The following MAP3K3 variants were observed in gnomAD, a reference collection of about 807,000 sequenced individuals.
MAP3K3 encodes mitogen-activated protein kinase kinase kinase 3, also known as MAP/ERK kinase kinase 3.
In MAP3K3, 12 loss-of-function variants were observed where a neutral mutation model predicts 80.9. The observed-to-expected ratio is 0.15, with a 90% CI of 0.10 to 0.24. MAP3K3 has a LOEUF of 0.24. MAP3K3 is among the 10% of genes least tolerant of loss of function. The pLI is 1.00. For missense variants in MAP3K3, 596 were observed against 834.7 expected, an observed-to-expected ratio of 0.71 and a Z score of 3.52; for synonymous variants, 272 against 307.1, an observed-to-expected ratio of 0.89 and a Z score of 1.19.
chr17:63,690,477 C>CA (rs2035562555), intron 12 of MAP3K3, 65 bp downstream of exon 12: 1 of 1,552,630 alleles, frequency 6.4e-7, no homozygotes, highest in Non-Finnish European at 8.8e-7. Flanking sequence ...TCTTACCACA[C>CA]AGAGTAGTTG....
At chr17:63,652,010 T>C (rs1356195931) in intron 3 of MAP3K3, among the ~76,000 whole-genome samples, 2 of 152,250 alleles carry the variant, frequency 1.3e-5, no homozygotes, top group Non-Finnish European at 2.9e-5. Flanking sequence ...TTCTACCTTA[T>C]TTCCTAAATA....
intron 6 of MAP3K3, among the ~76,000 whole-genome samples, chr17:63,674,144 G>C (rs1050332266): frequency 6.6e-6 from 1 of 151,546 alleles, no homozygotes; most frequent in African/African-American, 2.4e-5. Context: ...AGTTCATCTT[G>C]TTAAGTGCCT....
intron 11 of MAP3K3, 120 bp from the exon 12 acceptor site, chr17:63,690,144 T>TA: frequency 8.6e-7 from 1 of 1,166,084 alleles, no homozygotes; most frequent in Non-Finnish European, 1.2e-6. Context: ...GATGCTCTAC[T>TA]AAGAGATGAT....
At position 63,691,156 on chromosome 17, in the gene MAP3K3, C is replaced by T. The variant is rs746868574; in HGVS notation, c.1267C>T (p.Arg423Cys). The T allele has an allele frequency of 6.2e-6, 10 of 1,614,070 alleles. No homozygotes were observed. The highest frequency in any genetic ancestry group is 3.3e-5 in the South Asian group (3 of 91,088). The change falls in exon 13 of 16, where the codon CGC becomes TGC. Residue 423 changes from arginine (R) to cysteine (C), a missense_variant. This residue lies in a region of MAP3K3 where 364 missense variants were observed against 588.9 expected (regional missense o/e 0.62). Transcript: ENST00000361733. The surrounding 1 kb of genome is among the most constrained non-coding windows in gnomAD (Gnocchi z 4.8). Reference sequence around the variant, plus strand: ...GTTGCTAAAGAACTTGCAGCATGAGCGCATCGTGCAGTACTATGGCTGTCT... The same window carrying T: ...GTTGCTAAAGAACTTGCAGCATGAGTGCATCGTGCAGTACTATGGCTGTCT... ...IQLLKNLQHE[R>C]IVQYYGCLRD...
At chr17:63,686,333 A>G (rs1038104115) in intron 8 of MAP3K3, among the ~76,000 whole-genome samples, 2 of 152,200 alleles carry the variant, frequency 1.3e-5, no homozygotes, top group African/African-American at 4.8e-5. Context: ...TGTCTTGCCT[A>G]ATAGACCTGA....
intron 2 of MAP3K3, among the ~76,000 whole-genome samples, chr17:63,635,649 A>G (rs905256145): frequency 1.3e-5 from 2 of 152,232 alleles, no homozygotes; most frequent in African/African-American, 4.8e-5. Flanking sequence ...GCCTAGTATA[A>G]TGAAAGGAGC....
At chr17:63,646,375 A>G (rs1648859110) in intron 3 of MAP3K3, among the ~76,000 whole-genome samples, 1 of 152,236 alleles carries the variant, frequency 6.6e-6, no homozygotes, top group African/African-American at 2.4e-5. Context: ...ACTCAGAGTC[A>G]TGGCTTTCAG....
At chr17:63,634,132 T>C (rs546616337) in intron 2 of MAP3K3, among the ~76,000 whole-genome samples, 3 of 152,328 alleles carry the variant, frequency 2.0e-5, no homozygotes, top group African/African-American at 7.2e-5. Flanking sequence ...TATTTTCATA[T>C]GTTATTCAGT....
chr17:63,655,036 T>TA (rs111345447), intron 4 of MAP3K3, among the ~76,000 whole-genome samples: 21 of 151,718 alleles, frequency 1.4e-4, no homozygotes, highest in African/African-American at 3.1e-4. Context: ...AAAAAACGAT[T>TA]AAAAAAAATT....
At chr17:63,650,696 G>GAGTT (rs752583799) in intron 3 of MAP3K3, among the ~76,000 whole-genome samples, 1 of 112,480 alleles carries the variant, frequency 8.9e-6, no homozygotes, top group African/African-American at 3.7e-5. Context: ...GAGAGAGAGA[G>GAGTT]TTTTTTTTTT....
intron 5 of MAP3K3, 99 bp from the exon 6 acceptor site, chr17:63,666,841 G>A (rs2035008369): frequency 2.2e-6 from 3 of 1,352,476 alleles, no homozygotes; most frequent in Non-Finnish European, 3.1e-6. Context: ...GCATGAAGGT[G>A]GCTGAGCCTG....
intron 7 of MAP3K3, among the ~76,000 whole-genome samples, chr17:63,684,584 A>C (rs1234414049): frequency 2.6e-5 from 4 of 152,216 alleles, no homozygotes; most frequent in Non-Finnish European, 5.9e-5. Flanking sequence ...GTTGGAAACT[A>C]ATTTTATGGA....
At chr17:63,637,287 A>G (rs1378507188) in intron 2 of MAP3K3, among the ~76,000 whole-genome samples, 1 of 152,188 alleles carries the variant, frequency 6.6e-6, no homozygotes, top group African/African-American at 2.4e-5. Flanking sequence ...AGTGCTTTCA[A>G]CAACAGTTAA....
chr17:63,648,463 G>C (rs1255886072), intron 3 of MAP3K3, among the ~76,000 whole-genome samples: 2 of 152,146 alleles, frequency 1.3e-5, no homozygotes, highest in African/African-American at 4.8e-5. Flanking sequence ...TCTATCTAGA[G>C]AATCCATCTA....
chr17:63,639,365 A>G (rs1020999588), intron 2 of MAP3K3, among the ~76,000 whole-genome samples: 5 of 152,188 alleles, frequency 3.3e-5, no homozygotes, highest in Non-Finnish European at 4.4e-5. Flanking sequence ...AAACAAGGTG[A>G]GCTTTGATCT....
At chr17:63,650,990 C>G (rs2034644358) in intron 3 of MAP3K3, among the ~76,000 whole-genome samples, 1 of 151,796 alleles carries the variant, frequency 6.6e-6, no homozygotes, top group African/African-American at 2.4e-5. Flanking sequence ...TTTTTTAATT[C>G]TGTATTTTCT....
chr17:63,667,585 G>T (rs1332261457), intron 6 of MAP3K3, among the ~76,000 whole-genome samples: 1 of 152,120 alleles, frequency 6.6e-6, no homozygotes, highest in Non-Finnish European at 1.5e-5. Flanking sequence ...GTAGGGGATT[G>T]GTTCCAGGAC....
intron 5 of MAP3K3, among the ~76,000 whole-genome samples, chr17:63,662,722 A>G (rs2034919456): frequency 7.0e-6 from 1 of 141,898 alleles, no homozygotes; most frequent in Non-Finnish European, 1.5e-5. Flanking sequence ...CAGTGGCGCA[A>G]TCTCAGCTCA....
chr17:63,671,458 G>A lies in MAP3K3; in HGVS notation c.502+4398G>A, dbSNP rs139957295. Among the ~76,000 whole-genome samples the A allele has an allele frequency of 3.0e-4, 46 of 152,124 alleles. 1 individual carries two copies. The East Asian group carries it at 8.3e-3, about 28-fold the overall frequency. On this transcript the variant is annotated intron_variant, in intron 6 of 15. Transcript: ENST00000361733. ...TTTAGTAGAGACGGGGTTTCACCACGTTGGCCAGGATGGTCTCGATCTCTT... is the reference window on the plus strand; with the variant it reads ...TTTAGTAGAGACGGGGTTTCACCACATTGGCCAGGATGGTCTCGATCTCTT...
Sources: allele counts gnomAD v4.1 joint callset (sites outside exome capture counted in the v4.1 genomes callset), GRCh38; gene constraint gnomAD v4.1.1; regional missense constraint gnomAD v4.1.1; non-coding constraint Gnocchi (gnomAD v3.1); transcripts MANE v1.5; gene names NCBI Gene and HGNC (gene_info 2026-07-23, HGNC 2026-07-21).